The following PSMG1 variants were observed in gnomAD, a reference collection of about 807,000 sequenced individuals.
The protein encoded by PSMG1 is proteasome assembly chaperone 1.
PSMG1 carries 23 observed loss-of-function variants against 37.2 expected under a neutral mutation model. The ratio of observed to expected loss-of-function variants is 0.62; its 90% CI spans 0.44 to 0.88. The LOEUF is 0.88. PSMG1 is among the 40% of genes least tolerant of loss of function. The pLI, the probability that PSMG1 is intolerant of heterozygous loss-of-function variation, is 0.00. For missense variants in PSMG1, 340 were observed against 344.2 expected (o/e 0.99, Z 0.10); for synonymous variants, 127 against 128.0 (o/e 0.99, Z 0.05).
At chr21:39,181,958 T>G in intron 1 of PSMG1, 80 bp from the exon 2 acceptor site, 1 of 831,298 alleles carries the variant, frequency 1.2e-6, no homozygotes, top group South Asian at 2.3e-5. Flanking sequence ...ATGTATGATT[T>G]ACAATAAATA....
In PSMG1 at chr21:39,183,331, C is replaced by G; in HGVS notation, c.55G>C (p.Glu19Gln). Residue 19 changes from glutamate to glutamine, a missense_variant, in exon 1 of 7, where the codon GAG (glutamate) becomes CAG (glutamine). Physicochemically the swap from Glu to Gln is conservative, Grantham distance 29 (BLOSUM62 2). Coordinates refer to ENST00000331573, the MANE Select transcript of PSMG1 (RefSeq NM_003720.4). The stretch of plus-strand genomic sequence containing the variant: ...CCCTCCTCCTCCTCCTCTTCGTCCT[C>G]AGTCCCAGCTCGGCACGGCGCCTTC... ...VVKAPCRAGT[E>Q]DEEEEEEGRR... 1 of 1,577,740 alleles carries G rather than the reference C, an allele frequency of 6.3e-7. No homozygotes were observed. Among genetic ancestry groups the G allele is most frequent in the East Asian group, 2.3e-5 (1 of 42,556 alleles).
chr21:39,179,708 G>A lies in PSMG1; in HGVS notation c.456+216C>T, dbSNP rs201147731. Reference sequence around the variant, plus strand: ...CTGTGTTTTATACTTCTGTACCTCAGCATTGAGGACGGGAGGACACAGAAG... The same window carrying A: ...CTGTGTTTTATACTTCTGTACCTCAACATTGAGGACGGGAGGACACAGAAG... On this transcript the variant is annotated intron_variant, in intron 4 of 6. Coordinates refer to ENST00000331573, the MANE Select transcript of PSMG1 (RefSeq NM_003720.4). 2.0e-5 allele frequency among the ~76,000 whole-genome samples: 3 copies of A among 151,782 alleles called. No homozygotes were observed. In the East Asian group the frequency reaches 5.9e-4, roughly 30 times the overall value.
In PSMG1 at chr21:39,183,437, C is replaced by G. The variant is rs996570191; in HGVS notation, c.-52G>C. 2.0e-5 allele frequency: 31 copies of G among 1,519,006 alleles called. No homozygotes were observed. The highest frequency in any genetic ancestry group is 2.5e-5 in the Non-Finnish European group (28 of 1,137,520). The allele number at this position is 1,519,006 out of a possible 1,614,324, so 94.1% of individuals were successfully genotyped here. ...ACTGCAGCGCCGCGGGACCGCACGC[C>G]GGCTTGCGCGAGACCACGCTCCCTC... is the stretch of plus-strand genomic sequence containing the variant. On this transcript the variant is annotated 5_prime_UTR_variant, in exon 1 of 7. Transcript: ENST00000331573.
chr21:39,175,841 C>T (rs997679359), intron 6 of PSMG1, among the ~76,000 whole-genome samples, 177 bp from the exon 7 acceptor site: 1 of 152,138 alleles, frequency 6.6e-6, no homozygotes, highest in Non-Finnish European at 1.5e-5. Context: ...GTTCAACAGG[C>T]CCTTTCCCTG....
At position 39,183,395 on chromosome 21, in the gene PSMG1, G is replaced by A. The variant is rs537383776; in HGVS notation, c.-10C>T. On this transcript the variant is annotated 5_prime_UTR_variant, in exon 1 of 7. In the 5' UTR this introduces an upstream ATG that the reference lacks. Coordinates refer to ENST00000331573, the MANE Select transcript of PSMG1 (RefSeq NM_003720.4). Reference sequence around the variant, plus strand: ...AGAACGTGGCCGCCATAGCCGCCCCGTGACCGGCTGGACACAACTGCAGCG... The same window carrying A: ...AGAACGTGGCCGCCATAGCCGCCCCATGACCGGCTGGACACAACTGCAGCG... The A allele has an allele frequency of 1.3e-5, 20 of 1,575,156 alleles. No homozygotes were observed. Among genetic ancestry groups the A allele is most frequent in the Non-Finnish European group, 1.6e-5 (19 of 1,165,648 alleles).
At chr21:39,180,141 C>G in intron 3 of PSMG1, 144 bp downstream of exon 3, 3 of 1,246,608 alleles carry the variant, frequency 2.4e-6, no homozygotes, top group South Asian at 3.1e-5. Flanking sequence ...ATTTAACAGT[C>G]AAACCACTAC....
At chr21:39,179,195 C>G (rs547429883) in intron 4 of PSMG1, among the ~76,000 whole-genome samples, 1 of 152,282 alleles carries the variant, frequency 6.6e-6, no homozygotes, top group East Asian at 1.9e-4. Flanking sequence ...ACCATGCTTC[C>G]TATACAGCCT....
intron 6 of PSMG1, among the ~76,000 whole-genome samples, chr21:39,176,682 A>C (rs1191487822): frequency 2.0e-5 from 3 of 152,252 alleles, no homozygotes; most frequent in Non-Finnish European, 4.4e-5. Flanking sequence ...ATCGTGGTCC[A>C]TTACCACAAG....
chr21:39,178,531 G>A lies in PSMG1; in HGVS notation c.573C>T (p.Ala191=). 2 of 1,614,060 alleles carry A rather than the reference G, an allele frequency of 1.2e-6. No homozygotes were observed. Among genetic ancestry groups the A allele is most frequent in the Non-Finnish European group, 1.7e-6 (2 of 1,179,980 alleles). The change falls in exon 5 of 7, where the codon GCC becomes GCT. Residue 191 remains alanine (A), a synonymous_variant. Coordinates refer to ENST00000331573, the MANE Select transcript of PSMG1 (RefSeq NM_003720.4). ...AGTCTTTGAAATTCTGTGTTTTTAG[G>A]GCTCTCAGGAAAGGAGAAGGAAGGC... ...TGSLPSPFLR[A]LKTQNFKDSA...
intron 4 of PSMG1, 114 bp downstream of exon 4, chr21:39,179,810 T>C: frequency 2.2e-6 from 2 of 910,532 alleles, no homozygotes; most frequent in African/African-American, 1.7e-5. Flanking sequence ...ATTCCCACAA[T>C]ATTTTAAAGA....
Position 39,183,423 on chromosome 21 carries a change from G to T in PSMG1, c.-38C>A. 6.5e-7 allele frequency: 1 copy of T among 1,549,288 alleles called. No homozygotes were observed. The highest frequency in any genetic ancestry group is 1.2e-5 in the South Asian group (1 of 84,610). On this transcript the variant is annotated 5_prime_UTR_variant, in exon 1 of 7. Transcript: ENST00000331573. ...ACCGGCTGGACACAACTGCAGCGCC[G>T]CGGGACCGCACGCCGGCTTGCGCGA...
intron 6 of PSMG1, among the ~76,000 whole-genome samples, chr21:39,176,341 C>T (rs391062): frequency 0.92 from 140,605 of 152,272 alleles, 65,313 homozygotes; most frequent in African/African-American, 0.97. Context: ...CAAGTCCAAG[C>T]GTTTATGACA....
In PSMG1 at chr21:39,178,708, T is replaced by C. The variant is rs963462858; in HGVS notation, c.457-61A>G. The C allele has an allele frequency of 9.7e-6, 14 of 1,443,740 alleles. No homozygotes were observed. In the African/African-American group the frequency reaches 1.8e-4, roughly 19 times the overall value. The allele number at this position is 1,443,740 out of a possible 1,614,324, so 89.4% of individuals were successfully genotyped here. A position where few individuals can be genotyped will look rare whatever the true frequency, so the allele number is the denominator to read the frequency against. Reference sequence around the variant, plus strand: ...ATAATTTTGTTACAGAATGGAAACATTCCTCTAGGTATTCACCTAACACCA... The same window carrying C: ...ATAATTTTGTTACAGAATGGAAACACTCCTCTAGGTATTCACCTAACACCA... On this transcript the variant is annotated intron_variant, in intron 4 of 6. Coordinates refer to ENST00000331573, the MANE Select transcript of PSMG1 (RefSeq NM_003720.4).
At chr21:39,181,335 C>T (rs1013136058) in intron 2 of PSMG1, among the ~76,000 whole-genome samples, 3 of 151,992 alleles carry the variant, frequency 2.0e-5, no homozygotes, top group Non-Finnish European at 4.4e-5. Flanking sequence ...TACGGTCTCA[C>T]TATGTTGCCC....
upstream of PSMG1, chr21:39,183,484 GC>G (rs1269311729): frequency 9.4e-6 from 13 of 1,387,082 alleles, no homozygotes; most frequent in African/African-American, 1.7e-4. Flanking sequence ...AATAAGTCCC[GC>G]CCCGCACAGG....
chr21:39,177,918 T>G (rs1395761470), intron 5 of PSMG1, among the ~76,000 whole-genome samples: 1 of 152,160 alleles, frequency 6.6e-6, no homozygotes, highest in Non-Finnish European at 1.5e-5. Flanking sequence ...CCACTTCTCA[T>G]TCTAGTAAAC....
intron 2 of PSMG1, among the ~76,000 whole-genome samples, chr21:39,181,432 A>G (rs1349874139): frequency 2.0e-5 from 3 of 151,418 alleles, no homozygotes; most frequent in Non-Finnish European, 4.4e-5. Context: ...CACTGCACCC[A>G]GCCTAAATCT....
rs183452994 is a variant in PSMG1, at chr21:39,180,471, C to T, written c.242-35G>A. ...ACAATTCACATAAGTTAGTGTTTGG[C>T]TCTGCAAGCTATATTTTCTATTCAA... On this transcript the variant is annotated intron_variant, in intron 2 of 6. Transcript: ENST00000331573. 320 of 1,529,832 alleles carry T rather than the reference C, an allele frequency of 2.1e-4. No individual in the cohort carries two copies. In the African/African-American group the frequency reaches 3.8e-3, roughly 18 times the overall value. 94.8% of individuals were successfully genotyped at this position (1,529,832 alleles called of 1,614,324 possible).
chr21:39,181,374 G>A (rs2030821784), intron 2 of PSMG1, among the ~76,000 whole-genome samples: 1 of 151,848 alleles, frequency 6.6e-6, no homozygotes, highest in Non-Finnish European at 1.5e-5. Flanking sequence ...GGCCTCAAGT[G>A]ATCCTCCCGC....
Sources: gnomAD v4.1 joint callset for allele counts (sites outside exome capture counted in the v4.1 genomes callset) on GRCh38, gnomAD v4.1.1 for gene constraint, MANE v1.5 for transcripts, NCBI Gene and HGNC (gene_info 2026-07-23, HGNC 2026-07-21) for gene names.